Variants in GARRE1 observed in about 807,000 individuals in gnomAD.
GARRE1 encodes the protein granule associated Rac and RHOG effector 1, also known as granule associated Rac and RHOG effector protein 1.
In GARRE1, 49 loss-of-function variants were observed where a neutral mutation model predicts 103.2. The observed-to-expected ratio is 0.47, with a 90% CI of 0.38 to 0.60. The LOEUF (loss-of-function observed/expected upper bound fraction) is 0.60, where lower values mean the gene tolerates loss of function less well. Ranked by LOEUF, GARRE1 falls within the 20% of genes least tolerant of loss-of-function variation. The pLI is 0.00. For missense variants in GARRE1, 1,199 were observed against 1,370.5 expected (o/e 0.87, Z 1.98); for synonymous variants, 505 against 532.8 (o/e 0.95, Z 0.72).
At chr19:34,324,057 T>C (rs2074101161) in intron 3 of GARRE1, among the ~76,000 whole-genome samples, 1 of 152,082 alleles carries the variant, frequency 6.6e-6, no homozygotes, top group Non-Finnish European at 1.5e-5. Context: ...AGGTGCCCTC[T>C]CCTCCTGTCC....
chr19:34,316,259 CTGT>C (rs2074059890), intron 2 of GARRE1, among the ~76,000 whole-genome samples: 1 of 152,196 alleles, frequency 6.6e-6, no homozygotes, highest in Non-Finnish European at 1.5e-5. Flanking sequence ...TAAATGGTAG[CTGT>C]TGATAGAGCT....
chr19:34,273,819 AGAAAT>A (rs756891477), intron 1 of GARRE1, among the ~76,000 whole-genome samples: 7 of 152,216 alleles, frequency 4.6e-5, no homozygotes, highest in Non-Finnish European at 8.8e-5. Context: ...TCCAGACAGT[AGAAAT>A]GAAATGTGTG....
intron 1 of GARRE1, among the ~76,000 whole-genome samples, chr19:34,296,765 C>T (rs566784085): frequency 3.3e-5 from 5 of 152,170 alleles, no homozygotes; most frequent in East Asian, 3.9e-4. Context: ...CCGCAGCTCC[C>T]GAAGCACCTA....
In GARRE1 at chr19:34,342,370, A is replaced by C; in HGVS notation, c.2436A>C (p.Gly812=). The change falls in exon 10 of 14, where the codon GGA becomes GGC. Residue 812 remains glycine (G), a synonymous_variant. Coordinates refer to ENST00000299505, the MANE Select transcript of GARRE1 (RefSeq NM_014686.5). ...MSEVLGQKPQ[G]PRNNTWPNRD... ...AGGTTCTGGGACAGAAGCCGCAGGG[A>C]CCTAGAAATAACACCTGGCCCAACC... The C allele has an allele frequency of 6.2e-7, 1 of 1,614,136 alleles. No homozygotes were observed. Among genetic ancestry groups the C allele is most frequent in the Non-Finnish European group, 8.5e-7 (1 of 1,180,020 alleles).
At chr19:34,260,984 C>G (rs1339875390) in intron 1 of GARRE1, among the ~76,000 whole-genome samples, 3 of 152,148 alleles carry the variant, frequency 2.0e-5, no homozygotes, top group Non-Finnish European at 4.4e-5. Context: ...GTAGCACTCT[C>G]TGGGGGCCTG....
chr19:34,320,374 G>A (rs2074080957), intron 3 of GARRE1, among the ~76,000 whole-genome samples: 1 of 152,254 alleles, frequency 6.6e-6, no homozygotes. Flanking sequence ...GGGCTAAGGG[G>A]CCAGGATGGA....
intron 13 of GARRE1, among the ~76,000 whole-genome samples, chr19:34,351,918 T>C (rs957170768): frequency 6.6e-5 from 10 of 151,670 alleles, no homozygotes; most frequent in Non-Finnish European, 1.0e-4. Flanking sequence ...CCAGGTAATA[T>C]AGACACTGTC....
chr19:34,301,535 A>AAAAGAAAG (rs1358230660), intron 2 of GARRE1, among the ~76,000 whole-genome samples: 2 of 139,972 alleles, frequency 1.4e-5, no homozygotes. Flanking sequence ...AAAAAAAAAA[A>AAAAGAAAG]AAAGAAAAAT....
chr19:34,296,664 G>T, intron 1 of GARRE1: 1 of 934,152 alleles, frequency 1.1e-6, no homozygotes, highest in South Asian at 1.4e-5. Context: ...GTATCTTTGT[G>T]ATCGGGGTTT....
chr19:34,271,281 C>T (rs897006605), intron 1 of GARRE1, among the ~76,000 whole-genome samples: 1 of 138,334 alleles, frequency 7.2e-6, no homozygotes, highest in African/African-American at 2.7e-5. Flanking sequence ...TGAAGTCTCA[C>T]TCTGTTGCCC....
rs190818917 is a variant in GARRE1 at position 34,327,270 on chromosome 19, A to G, written c.706-151A>G. 6.1e-4 allele frequency: 389 copies of G among 634,482 alleles called. 5 individuals are homozygous for G. The South Asian group carries it at 7.7e-3, about 13-fold the overall frequency. The allele number at this position is 634,482 out of a possible 1,614,324, so 39.3% of individuals were successfully genotyped here. A position where few individuals can be genotyped will look rare whatever the true frequency, so the allele number is the denominator to read the frequency against. On this transcript the variant is annotated intron_variant, in intron 3 of 13. Coordinates refer to ENST00000299505, the MANE Select transcript of GARRE1 (RefSeq NM_014686.5). ...AAATTTGGGCTGCTCACTTTGCAAT[A>G]CAAACAATCTAGAACTTCTAGTTTA...
chr19:34,340,074 T>G (rs552590197), intron 9 of GARRE1, 82 bp downstream of exon 9: 1 of 1,436,596 alleles, frequency 7.0e-7, no homozygotes, highest in Non-Finnish European at 9.7e-7. Flanking sequence ...GTGTCATTGA[T>G]AGTATACGGT....
chr19:34,300,890 C>G lies in GARRE1; in HGVS notation c.417C>G (p.Ile139Met). Reference protein sequence around the residue: ...SRLTSAIKPEIAKMLMELSAG... With the variant: ...SRLTSAIKPEMAKMLMELSAG... The stretch of plus-strand genomic sequence containing the variant: ...TGACCTCGGCCATAAAGCCTGAGAT[C>G]GCCAAGATGCTAATGGAACTTAGTG... The change falls in exon 2 of 14, where the codon ATC becomes ATG. Residue 139 changes from isoleucine to methionine, a missense_variant. Coordinates refer to ENST00000299505, the MANE Select transcript of GARRE1 (RefSeq NM_014686.5). The G allele has an allele frequency of 1.2e-6, 2 of 1,611,244 alleles. No individual in the cohort carries two copies. Among genetic ancestry groups the G allele is most frequent in the East Asian group, 2.2e-5 (1 of 44,884 alleles).
chr19:34,294,859 T>C (rs781102100), intron 1 of GARRE1, among the ~76,000 whole-genome samples: 4 of 152,140 alleles, frequency 2.6e-5, no homozygotes, highest in Non-Finnish European at 5.9e-5. Flanking sequence ...GTATTCTTAG[T>C]AGAGACAGGG....
At chr19:34,270,532 G>A (rs1402673002) in intron 1 of GARRE1, among the ~76,000 whole-genome samples, 1 of 152,160 alleles carries the variant, frequency 6.6e-6, no homozygotes, top group African/African-American at 2.4e-5. Context: ...ACTCTCTAGA[G>A]GGCCTTGACT....
intron 1 of GARRE1, among the ~76,000 whole-genome samples, chr19:34,291,092 G>A (rs1005699612): frequency 2.0e-5 from 3 of 151,698 alleles, no homozygotes; most frequent in Admixed American, 1.3e-4. Flanking sequence ...TTTTTTAGTA[G>A]ATACGAGCTT....
At chr19:34,273,667 A>G (rs1320518525) in intron 1 of GARRE1, among the ~76,000 whole-genome samples, 1 of 152,162 alleles carries the variant, frequency 6.6e-6, no homozygotes, top group Non-Finnish European at 1.5e-5. Flanking sequence ...ATGCTTCAGT[A>G]GAGTTAATGT....
At chr19:34,302,569 C>A (rs937707020) in intron 2 of GARRE1, among the ~76,000 whole-genome samples, 1 of 152,022 alleles carries the variant, frequency 6.6e-6, no homozygotes, top group African/African-American at 2.4e-5. Context: ...GTTGGGATTA[C>A]AGGTGTGAGC....
At position 34,299,813 on chromosome 19, in the gene GARRE1, G is replaced by T. The variant is rs910013264; in HGVS notation, c.-661G>T. On this transcript the variant is annotated 5_prime_UTR_variant, in exon 2 of 14. It introduces an in-frame stop codon into an upstream open reading frame of the 5' UTR. Coordinates refer to ENST00000299505, the MANE Select transcript of GARRE1 (RefSeq NM_014686.5). ...GCTACCTCAGCAAACAAAAGGAATG[G>T]AGGAGGAGACTTACAACAAACGCCA... is the stretch of plus-strand genomic sequence containing the variant. The T allele has an allele frequency of 1.5e-4, 23 of 152,178 alleles. No individual in the cohort carries two copies. The highest frequency in any genetic ancestry group is 1.4e-3 in the Admixed American group (22 of 15,272). The allele number at this position is 152,178 out of a possible 1,614,324, so 9.4% of individuals were successfully genotyped here.
Sources: allele counts gnomAD v4.1 joint callset (sites outside exome capture counted in the v4.1 genomes callset), GRCh38; gene constraint gnomAD v4.1.1; transcripts MANE v1.5; gene names NCBI Gene and HGNC (gene_info 2026-07-23, HGNC 2026-07-21).